Variants in C11orf24 observed in about 807,000 individuals in gnomAD.
C11orf24 encodes the protein chromosome 11 open reading frame 24, also known as uncharacterized protein C11orf24.
Under a neutral mutation model 7.3 loss-of-function variants are expected in C11orf24, and 5 were observed. The observed-to-expected ratio is 0.69, with a 90% confidence interval of 0.36 to 1.45. The LOEUF (loss-of-function observed/expected upper bound fraction) is 1.45. Ranked by LOEUF, C11orf24 falls within the 40% of genes most tolerant of loss-of-function variation. C11orf24 has a pLI of 0.03. For missense variants in C11orf24, 566 were observed against 590.5 expected, an observed-to-expected ratio of 0.96 and a Z score of 0.43; for synonymous variants, 233 against 235.7, an observed-to-expected ratio of 0.99 and a Z score of 0.11.
At chr11:68,263,899 G>A (rs906196211) in intron 2 of C11orf24, 33 bp from the exon 3 acceptor site, 21 of 708,332 alleles carry the variant, frequency 3.0e-5, no homozygotes, top group East Asian at 2.7e-5. Context: ...GTCAGAAGGC[G>A]TCTGGCCAGC....
Position 68,262,898 on chromosome 11 carries a change from T to C in C11orf24, c.97A>G (p.Met33Val). Residue 33 changes from methionine to valine, a missense_variant, in exon 4 of 4, where the codon ATG (methionine) becomes GTG (valine). Met to Val is a conservative substitution (Grantham distance 21). Transcript: ENST00000304271. ...NDPRNFVPNK[M>V]WKGLVKRNAS... ...TTCCTCTTGACTAATCCCTTCCACA[T>C]TTTGTTAGGGACAAAGTTGCCTTAA... 1 of 1,613,574 alleles carries C rather than the reference T, an allele frequency of 6.2e-7. No homozygotes were observed.
At chr11:68,269,799 C>T (rs77902406) in intron 1 of C11orf24, among the ~76,000 whole-genome samples, 2,156 of 152,318 alleles carry the variant, frequency 0.014, 21 homozygotes, top group Non-Finnish European at 0.021. Context: ...GGTGGTCACT[C>T]CCACAGAAAC....
intron 1 of C11orf24, among the ~76,000 whole-genome samples, chr11:68,268,579 C>T (rs559323460): frequency 2.0e-5 from 3 of 152,282 alleles, no homozygotes; most frequent in South Asian, 2.1e-4. Flanking sequence ...GTAATCCCAG[C>T]GACTTGGGAG....
rs779071107 is a variant in C11orf24, at chr11:68,262,715, T to C, written c.280A>G (p.Thr94Ala). 8.7e-6 allele frequency: 14 copies of C among 1,614,194 alleles called. No homozygotes were observed. Among genetic ancestry groups the C allele is most frequent in the East Asian group, 2.2e-5 (1 of 44,890 alleles). The change falls in exon 4 of 4, where the codon ACT (threonine) becomes GCT (alanine). Residue 94 changes from threonine to alanine, a missense_variant. Thr to Ala is a moderately conservative substitution (Grantham distance 58). Transcript: ENST00000304271. ...TSRTDVSEPA[T>A]SGGAADGVTS... ...ACACCATCAGCTGCACCTCCTGAAG[T>C]TGCTGGTTCACTCACATCTGTCCTG...
rs773283910 is a variant in C11orf24 at position 68,261,860 on chromosome 11, T to C, written c.1135A>G (p.Ser379Gly). ...ACCACCATGTACTGGCCTTGGGTGC[T>C]GGGCTGGCACGAGTCCGTGGCTGGC... is the stretch of plus-strand genomic sequence containing the variant. ...KMPATDSCQP[S>G]TQGQYMVVTT... The change falls in exon 4 of 4, where the codon AGC (serine) becomes GGC (glycine). Residue 379 changes from serine (S) to glycine (G), a missense_variant. Transcript: ENST00000304271. 9 of 1,613,980 alleles carry C rather than the reference T, an allele frequency of 5.6e-6. No homozygotes were observed. Among genetic ancestry groups the C allele is most frequent in the Non-Finnish European group, 6.8e-6 (8 of 1,180,034 alleles).
At chr11:68,271,406 C>T (rs2153104621) in intron 1 of C11orf24, among the ~76,000 whole-genome samples, 1 of 152,260 alleles carries the variant, frequency 6.6e-6, no homozygotes, top group Admixed American at 6.5e-5. Context: ...GAGAGAGGGT[C>T]TGGGGGATAG....
At chr11:68,268,705 C>T (rs912725045) in intron 1 of C11orf24, among the ~76,000 whole-genome samples, 4 of 152,032 alleles carry the variant, frequency 2.6e-5, no homozygotes, top group African/African-American at 9.7e-5. Context: ...AAAAACAAAA[C>T]AAAAAACAAC....
intron 1 of C11orf24, chr11:68,271,518 T>C (rs1565293718): frequency 6.6e-6 from 1 of 152,250 alleles, no homozygotes; most frequent in Non-Finnish European, 1.5e-5. Context: ...TTCCAGAGTG[T>C]CCCCATTCTG....
chr11:68,267,062 T>C (rs1263814685), intron 2 of C11orf24: 6 of 152,280 alleles, frequency 3.9e-5, no homozygotes, highest in African/African-American at 1.2e-4. Flanking sequence ...AGCTACTCCA[T>C]TCTGCCGCTA....
Position 68,262,621 on chromosome 11 carries a change from CTGGAGGCCGCAGTCGTAA to C in C11orf24, c.356_373del (p.Ile119_Ser124del), listed in dbSNP as rs748557353. 616 of 1,613,682 alleles carry C rather than the reference CTGGAGGCCGCAGTCGTAA, an allele frequency of 3.8e-4. 13 individuals carry two copies. The South Asian group carries it at 5.7e-3, about 15-fold the overall frequency. ...GGGAGCACTGGAGGCCACAGTCATACTGGAGGCCGCAGTCGTAATGGAGGCCGCAGTCGTACTGGAGGC... is the reference window on the plus strand; with the variant it reads ...GGGAGCACTGGAGGCCACAGTCATACTGGAGGCCGCAGTCGTACTGGAGGC... On this transcript the variant is annotated inframe_deletion, in exon 4 of 4. Transcript: ENST00000304271.
At chr11:68,263,647 G>A (rs1183152671) in intron 3 of C11orf24, 45 bp downstream of exon 3, 1 of 1,561,330 alleles carries the variant, frequency 6.4e-7, no homozygotes. Context: ...CATGCTTTGT[G>A]GCCACCGTGG....
Position 68,262,555 on chromosome 11 carries a change from G to A in C11orf24, c.440C>T (p.Pro147Leu). ...ASSTTVASIA[P>L]TTAASSMTAA... ...AGTCATACTGGAGGCTGCAGTCGTG[G>A]GAGCAATGGAGGCCACAGTTGTACT... is the stretch of plus-strand genomic sequence containing the variant. The change falls in exon 4 of 4, where the codon CCC becomes CTC. Residue 147 changes from proline (P) to leucine (L), a missense_variant. Physicochemically the swap from Pro to Leu is moderately conservative, Grantham distance 98 (BLOSUM62 -3). Coordinates refer to ENST00000304271, the MANE Select transcript of C11orf24 (RefSeq NM_022338.4). 2.5e-6 allele frequency: 4 copies of A among 1,609,838 alleles called. No individual in the cohort carries two copies. Among genetic ancestry groups the A allele is most frequent in the Non-Finnish European group, 3.4e-6 (4 of 1,176,904 alleles).
Position 68,262,664 on chromosome 11 carries a change from C to T in C11orf24, c.331G>A (p.Ala111Thr), listed in dbSNP as rs2098562538. The change falls in exon 4 of 4, where the codon GCC becomes ACC. Residue 111 changes from alanine (A) to threonine (T), a missense_variant. Transcript: ENST00000304271. ...ATGGAGGCCGCAGTCGTACTGGAGG[C>T]CACAGCCGTGGGAGCAATGGAGGTC... ...GVTSIAPTAV[A>T]SSTTAASITT... is the part of the protein sequence containing the mutation. The T allele has an allele frequency of 6.2e-7, 1 of 1,614,050 alleles. No homozygotes were observed. Among genetic ancestry groups the T allele is most frequent in the South Asian group, 1.1e-5 (1 of 91,072 alleles).
chr11:68,268,488 G>A (rs1964071), intron 1 of C11orf24, among the ~76,000 whole-genome samples: 85,203 of 152,026 alleles, frequency 0.56, 24,085 homozygotes, highest in South Asian at 0.71. Flanking sequence ...TCAGCAGTTC[G>A]AGACCAGCCT....
In C11orf24 at chr11:68,262,111, T is replaced by TTGG; in HGVS notation, c.881_883dup (p.Thr294dup). The TTGG allele has an allele frequency of 1.2e-6, 2 of 1,613,964 alleles. No individual in the cohort carries two copies. Among genetic ancestry groups the TTGG allele is most frequent in the Non-Finnish European group, 1.7e-6 (2 of 1,179,998 alleles). ...GGCAGTTGGCTCCCTGGCTTGTGCCTTGGTGGTGGTCACCACTGTGGGGGT... is the reference window on the plus strand; with the variant it reads ...GGCAGTTGGCTCCCTGGCTTGTGCCTTGGTGGTGGTGGTCACCACTGTGGGGGT... On this transcript the variant is annotated inframe_insertion, in exon 4 of 4. Coordinates refer to ENST00000304271, the MANE Select transcript of C11orf24 (RefSeq NM_022338.4).
At chr11:68,266,328 C>G (rs2098565111) in intron 2 of C11orf24, among the ~76,000 whole-genome samples, 1 of 152,212 alleles carries the variant, frequency 6.6e-6, no homozygotes, top group Non-Finnish European at 1.5e-5. Flanking sequence ...CAAGAAGCCC[C>G]TGGGTGGCTT....
At chr11:68,270,964 T>C (rs1333263459) in intron 1 of C11orf24, among the ~76,000 whole-genome samples, 1 of 152,168 alleles carries the variant, frequency 6.6e-6, no homozygotes, top group Non-Finnish European at 1.5e-5. Context: ...TGGACATTTA[T>C]TATATTACAT....
At chr11:68,264,443 CACTT>C (rs2098563544) in intron 2 of C11orf24, among the ~76,000 whole-genome samples, 1 of 149,848 alleles carries the variant, frequency 6.7e-6, no homozygotes, top group East Asian at 2.0e-4. Context: ...TCCATCCATC[CACTT>C]ACCCACTTAC....
At chr11:68,263,020 C>T (rs2098562765) in intron 3 of C11orf24, 102 bp from the exon 4 acceptor site, 1 of 1,016,508 alleles carries the variant, frequency 9.8e-7, no homozygotes, top group Non-Finnish European at 1.4e-6. Flanking sequence ...GGGGCCCCCT[C>T]CTCAGCCCAG....
Sources: gnomAD v4.1 joint callset for allele counts (sites outside exome capture counted in the v4.1 genomes callset) on GRCh38, gnomAD v4.1.1 for gene constraint, MANE v1.5 for transcripts, NCBI Gene and HGNC (gene_info 2026-07-23, HGNC 2026-07-21) for gene names.